The following INSC variants were observed in gnomAD, a reference collection of about 807,000 sequenced individuals.
INSC encodes INSC spindle orientation adaptor protein.
In INSC, 67 loss-of-function variants were observed where a neutral mutation model predicts 58.6. The observed-to-expected ratio is 1.14, with a 90% CI of 0.94 to 1.40. The LOEUF (loss-of-function observed/expected upper bound fraction) is 1.40. Ranked by LOEUF, INSC falls within the 40% of genes most tolerant of loss-of-function variation. The pLI is 0.00. For synonymous variants in INSC, 262 were observed against 276.1 expected (o/e 0.95, Z 0.51); for missense variants, 714 against 692.0 (o/e 1.03, Z -0.36).
chr11:15,255,727 A>AGTGTGTGTGT, the INSC span, among the ~76,000 whole-genome samples: 6 of 93,412 alleles, frequency 6.4e-5, no homozygotes, highest in South Asian at 4.5e-4. Flanking sequence ...TGTATATGTA[A>AGTGTGTGTGT]GTGTGTGTAT....
intron 5 of INSC, among the ~76,000 whole-genome samples, chr11:15,186,277 C>T (rs1849964168): frequency 6.6e-6 from 1 of 151,996 alleles, no homozygotes; most frequent in African/African-American, 2.4e-5. Context: ...TGAACTCTGC[C>T]CCCAATGTTC....
At chr11:15,112,396 G>A, upstream of INSC, 8 of 1,302,152 alleles carry the variant, frequency 6.1e-6, no homozygotes, top group Non-Finnish European at 8.5e-6. Context: ...CCAGAAGGGT[G>A]GGCAAAGGGA....
At chr11:15,201,073 C>A (rs1021748332) in intron 7 of INSC, 124 bp downstream of exon 7, 1 of 1,233,690 alleles carries the variant, frequency 8.1e-7, no homozygotes, top group Non-Finnish European at 1.1e-6. Context: ...TTTTCCCAGG[C>A]ACCATTCGGA....
chr11:15,213,206 G>A (rs915042213), intron 7 of INSC, among the ~76,000 whole-genome samples: 5 of 151,830 alleles, frequency 3.3e-5, no homozygotes, highest in African/African-American at 7.3e-5. Context: ...TTAGGAGGCC[G>A]AGGCGGGCAG....
chr11:15,144,216 T>C (rs1169014856), intron 1 of INSC, among the ~76,000 whole-genome samples: 1 of 152,214 alleles, frequency 6.6e-6, no homozygotes, highest in Non-Finnish European at 1.5e-5. Flanking sequence ...AATGGGTTCA[T>C]ATGTTAGAGG....
At chr11:15,243,338 G>C (rs1451730269) in intron 12 of INSC, among the ~76,000 whole-genome samples, 2 of 152,300 alleles carry the variant, frequency 1.3e-5, no homozygotes, top group East Asian at 3.9e-4. Context: ...TTCACTTATT[G>C]TCTCCCCTGT....
intron 1 of INSC, among the ~76,000 whole-genome samples, chr11:15,132,658 T>G (rs1848151569): frequency 6.6e-6 from 1 of 152,252 alleles, no homozygotes; most frequent in Non-Finnish European, 1.5e-5. Context: ...CATCACTCTT[T>G]CTTGTATCTC....
intron 2 of INSC, among the ~76,000 whole-genome samples, chr11:15,174,737 T>C (rs981972978): frequency 2.0e-5 from 3 of 152,246 alleles, no homozygotes; most frequent in African/African-American, 7.2e-5. Flanking sequence ...TAGTTTTGTT[T>C]TCAAGCTTTA....
intron 7 of INSC, among the ~76,000 whole-genome samples, chr11:15,216,859 G>T (rs189830926): frequency 6.6e-6 from 1 of 152,166 alleles, no homozygotes; most frequent in African/African-American, 2.4e-5. Flanking sequence ...CCCAAGTCTA[G>T]GAGCCACCAG....
intron 5 of INSC, among the ~76,000 whole-genome samples, chr11:15,189,805 T>G (rs1350598517): frequency 1.3e-5 from 2 of 152,218 alleles, no homozygotes; most frequent in Middle Eastern, 6.3e-3. Flanking sequence ...CTTGAGCTAC[T>G]GGCATTAATT....
intron 2 of INSC, among the ~76,000 whole-genome samples, chr11:15,157,998 A>G (rs1415545179): frequency 6.6e-6 from 1 of 152,084 alleles, no homozygotes; most frequent in African/African-American, 2.4e-5. Context: ...TTCAGGAGAA[A>G]CCAGGGGAGT....
At chr11:15,158,860 GTTTTTTTT>G (rs529518368) in intron 2 of INSC, among the ~76,000 whole-genome samples, 1 of 109,706 alleles carries the variant, frequency 9.1e-6, no homozygotes, top group Non-Finnish European at 1.8e-5. Flanking sequence ...ATTGTTGGTG[GTTTTTTTT>G]TTTTTTTTTT....
At chr11:15,240,610 C>T in intron 12 of INSC, 87 bp downstream of exon 12, 1 of 1,044,444 alleles carries the variant, frequency 9.6e-7, no homozygotes, top group East Asian at 2.6e-5. Context: ...CTGTGGCTGG[C>T]TTCAGTAAGC....
downstream of INSC, among the ~76,000 whole-genome samples, chr11:15,248,841 G>A (rs969096962): frequency 6.6e-6 from 1 of 152,192 alleles, no homozygotes; most frequent in Non-Finnish European, 1.5e-5. Context: ...TTAGTAAAGA[G>A]ACTATTTGGA....
chr11:15,123,161 C>T (rs994895385), intron 1 of INSC, among the ~76,000 whole-genome samples: 1 of 152,234 alleles, frequency 6.6e-6, no homozygotes, highest in East Asian at 1.9e-4. Context: ...GCTTTACTCT[C>T]AGTTCTCAGC....
At chr11:15,113,129 CTT>C (rs1475471878), upstream of INSC, among the ~76,000 whole-genome samples, 5 of 123,546 alleles carry the variant, frequency 4.0e-5, no homozygotes, top group African/African-American at 1.5e-4. Context: ...CTCTTTCTTT[CTT>C]TCTTTCTTTC....
At position 15,119,574 on chromosome 11, in the gene INSC, T is replaced by C. The variant is rs1847818417; in HGVS notation, c.-46+4571T>C. On this transcript the variant is annotated intron_variant, in intron 1 of 12. Transcript: ENST00000379556. Reference sequence around the variant, plus strand: ...GTAGTTGTGTATACTGTTCACTTTCTGCTGGAGAAATGAAGGTTTTGTCTT... The same window carrying C: ...GTAGTTGTGTATACTGTTCACTTTCCGCTGGAGAAATGAAGGTTTTGTCTT... Among the ~76,000 whole-genome samples the C allele has an allele frequency of 5.3e-5, 8 of 152,348 alleles. No individual in the cohort carries two copies. In the South Asian group the frequency reaches 1.7e-3, roughly 32 times the overall value.
At chr11:15,166,607 A>G (rs148056158) in intron 2 of INSC, among the ~76,000 whole-genome samples, 1 of 152,300 alleles carries the variant, frequency 6.6e-6, no homozygotes, top group African/African-American at 2.4e-5. Context: ...TGTCTTGTGT[A>G]ACTCCTTGCA....
chr11:15,197,000 C>T (rs59391528), intron 6 of INSC, among the ~76,000 whole-genome samples: 1,997 of 152,318 alleles, frequency 0.013, 39 homozygotes, highest in African/African-American at 0.046. Flanking sequence ...TTTCTCTCAC[C>T]AACCTTCCAT....
Sources: allele counts gnomAD v4.1 joint callset (sites outside exome capture counted in the v4.1 genomes callset), GRCh38; gene constraint gnomAD v4.1.1; transcripts MANE v1.5; gene names NCBI Gene and HGNC (gene_info 2026-07-23, HGNC 2026-07-21).